MTAP: variants seen among roughly 807,000 people sequenced by gnomAD.
The protein encoded by MTAP is S-methyl-5'-thioadenosine phosphorylase.
MTAP carries 33 observed loss-of-function variants against 33.6 expected under a neutral mutation model. The ratio of observed to expected loss-of-function variants is 0.98; its 90% CI spans 0.74 to 1.31. The LOEUF is 1.31. Among genes scored for constraint, MTAP ranks in the 40% most tolerant of loss-of-function variants. MTAP has a pLI of 0.00. For missense variants in MTAP, 367 were observed against 360.0 expected (o/e 1.02, Z -0.16); for synonymous variants, 148 against 125.7 (o/e 1.18, Z -1.19).
At chr9:21,884,548 G>A (rs1818076908) in intron 1 of MTAP, among the ~76,000 whole-genome samples, 1 of 152,188 alleles carries the variant, frequency 6.6e-6, no homozygotes, top group Non-Finnish European at 1.5e-5. Context: ...ATTTCTCACA[G>A]TTCTAAAGGC....
chr9:21,827,591 AT>A (rs1563836728), intron 4 of MTAP, among the ~76,000 whole-genome samples: 1 of 152,198 alleles, frequency 6.6e-6, no homozygotes, highest in African/African-American at 2.4e-5. Context: ...CTTATAATGT[AT>A]TTATACCTGA....
chr9:21,916,754 C>T (rs1459341388), intron 1 of MTAP, among the ~76,000 whole-genome samples: 2 of 152,136 alleles, frequency 1.3e-5, no homozygotes, highest in Admixed American at 1.3e-4. Context: ...AAAAGAAGAA[C>T]CTACATCGCT....
At chr9:21,935,542 T>C (rs1243341838), downstream of MTAP, 2 of 152,082 alleles carry the variant, frequency 1.3e-5, no homozygotes, top group African/African-American at 4.8e-5. Flanking sequence ...TCACATCCCC[T>C]GGGCATGGAT....
intron 1 of MTAP, among the ~76,000 whole-genome samples, chr9:21,907,339 T>C (rs916663666): frequency 2.6e-5 from 4 of 152,182 alleles, no homozygotes; most frequent in Non-Finnish European, 5.9e-5. Flanking sequence ...GGCAGATTGC[T>C]TGAGCTCAGG....
chr9:21,860,020 G>C (rs1825721624), intron 7 of MTAP: 1 of 152,122 alleles, frequency 6.6e-6, no homozygotes, highest in Non-Finnish European at 1.5e-5. Context: ...GTCTCAAACT[G>C]ATCAGATATT....
chr9:21,933,894 T>C (rs546603923), downstream of MTAP: 4 of 152,342 alleles, frequency 2.6e-5, no homozygotes, highest in African/African-American at 2.4e-5. Context: ...AAAGCACTTA[T>C]ACAAATTAAG....
chr9:21,899,627 G>A (rs1207914483), intron 1 of MTAP, among the ~76,000 whole-genome samples: 1 of 151,508 alleles, frequency 6.6e-6, no homozygotes. Context: ...AGTGCAAGCA[G>A]GGTACATGCC....
At chr9:21,859,569 T>G in intron 7 of MTAP, 144 bp downstream of exon 7, 1 of 830,972 alleles carries the variant, frequency 1.2e-6, no homozygotes, top group Non-Finnish European at 1.8e-6. Flanking sequence ...ACTACTACCA[T>G]ACCAACCACT....
downstream of MTAP, among the ~76,000 whole-genome samples, chr9:21,872,007 C>G (rs1056808040): frequency 6.6e-6 from 1 of 152,056 alleles, no homozygotes; most frequent in Non-Finnish European, 1.5e-5. Flanking sequence ...TGTGTTTTAA[C>G]CATTATGCTA....
chr9:21,937,324 T>C (rs1206133899), exon 8 of MTAP: 2 of 151,712 alleles, frequency 1.3e-5, no homozygotes, highest in African/African-American at 4.8e-5. Flanking sequence ...GGCGACACAG[T>C]GAGACTCCAT....
intron 1 of MTAP, among the ~76,000 whole-genome samples, chr9:21,890,730 C>A (rs1023891045): frequency 3.9e-5 from 6 of 152,120 alleles, no homozygotes; most frequent in Non-Finnish European, 2.9e-5. Flanking sequence ...TTCAGGTTCC[C>A]CAGTGAGGAT....
chr9:21,829,079 A>G (rs1029015477), intron 4 of MTAP, among the ~76,000 whole-genome samples: 1 of 152,210 alleles, frequency 6.6e-6, no homozygotes, highest in East Asian at 1.9e-4. Flanking sequence ...TTTTACTGAT[A>G]GCACATTTCT....
chr9:21,930,638 A>G, intron 1 of MTAP: 1 of 431,508 alleles, frequency 2.3e-6, no homozygotes, highest in East Asian at 3.7e-5. Context: ...GTTTAATATC[A>G]TGGCTAAAAC....
chr9:21,856,496 C>G (rs186529251), intron 6 of MTAP, among the ~76,000 whole-genome samples: 5 of 152,170 alleles, frequency 3.3e-5, no homozygotes, highest in Non-Finnish European at 7.4e-5. Context: ...CTCGTAATGT[C>G]AAGAAGCTGC....
chr9:21,920,236 A>G (rs1818765387), intron 1 of MTAP, among the ~76,000 whole-genome samples: 1 of 152,178 alleles, frequency 6.6e-6, no homozygotes, highest in Non-Finnish European at 1.5e-5. Context: ...ATGAGGATCA[A>G]GAAAAAATTA....
rs1032857882 is a variant in MTAP at position 21,864,570 on chromosome 9, A to G, written c.*2556A>G. On this transcript the variant is annotated 3_prime_UTR_variant, in exon 8 of 8. Coordinates refer to ENST00000644715, the MANE Select transcript of MTAP (RefSeq NM_002451.4). ...GGATTTTCATGGTTTTGAGAATGAC[A>G]TCCTGGCCCTGTGGTCCCCGAGGGT... The G allele has an allele frequency of 2.9e-5, 29 of 985,396 alleles. No homozygotes were observed. The African/African-American group carries it at 4.5e-4, about 15-fold the overall frequency. The allele number at this position is 985,396 out of a possible 1,614,324, so 61.0% of individuals were successfully genotyped here.
At chr9:21,937,669 C>G (rs1273406630), downstream of MTAP, 1 of 152,098 alleles carries the variant, frequency 6.6e-6, no homozygotes, top group Non-Finnish European at 1.5e-5. Flanking sequence ...TTAGTTGTTA[C>G]TTTTTGTGTC....
chr9:21,916,379 A>G (rs1231007959), intron 1 of MTAP, among the ~76,000 whole-genome samples: 1 of 151,908 alleles, frequency 6.6e-6, no homozygotes, highest in African/African-American at 2.4e-5. Context: ...GGAGGCCGAG[A>G]CGGGTGGATC....
rs1046656156 is a variant in MTAP at position 21,861,828 on chromosome 9, T to C, written c.814-148T>C. On this transcript the variant is annotated intron_variant, in intron 7 of 7. Coordinates refer to ENST00000644715, the MANE Select transcript of MTAP (RefSeq NM_002451.4). ...GAAGTTCCACATCTGGTTAGTGAAC[T>C]TGAAAATTTTCTGTAGAATTTATTT... is the stretch of plus-strand genomic sequence containing the variant. The C allele has an allele frequency of 3.1e-5, 20 of 651,360 alleles. No individual in the cohort carries two copies. In the East Asian group the frequency reaches 5.4e-4, roughly 18 times the overall value. The allele number at this position is 651,360 out of a possible 1,614,324, so 40.3% of individuals were successfully genotyped here.
Sources: allele counts gnomAD v4.1 joint callset (sites outside exome capture counted in the v4.1 genomes callset), GRCh38; gene constraint gnomAD v4.1.1; transcripts MANE v1.5; gene names NCBI Gene and HGNC (gene_info 2026-07-23, HGNC 2026-07-21).